Variants in ATXN1 observed in about 807,000 individuals in gnomAD.
ATXN1 encodes the protein ataxin 1, also known as ataxin-1.
Under a neutral mutation model 56.4 loss-of-function variants are expected in ATXN1, and 8 were observed. The ratio of observed to expected loss-of-function variants is 0.14; its 90% CI spans 0.08 to 0.26. ATXN1 has a LOEUF of 0.26. ATXN1 is among the 10% of genes least tolerant of loss of function. ATXN1 has a pLI of 1.00. For synonymous variants in ATXN1, 514 were observed against 494.6 expected, an observed-to-expected ratio of 1.04 and a Z score of -0.52; for missense variants, 987 against 1,106.5, an observed-to-expected ratio of 0.89 and a Z score of 1.53.
At chr6:16,609,148 A>C (rs2113788477) in intron 3 of ATXN1, among the ~76,000 whole-genome samples, 1 of 152,352 alleles carries the variant, frequency 6.6e-6, no homozygotes, top group Admixed American at 6.5e-5. Context: ...CACTGTGAGA[A>C]GAAACAAGAA....
intron 6 of ATXN1, among the ~76,000 whole-genome samples, chr6:16,431,115 T>C (rs1759274770): frequency 6.6e-6 from 1 of 151,710 alleles, no homozygotes; most frequent in South Asian, 2.1e-4. Flanking sequence ...TGTGCAGATG[T>C]GGGGTTTTTT....
At position 16,681,365 on chromosome 6, in the gene ATXN1, T is replaced by C. The variant is rs73725217; in HGVS notation, c.-614-23464A>G. ...AAGCCTGCAGTGTAGGGTGACGCCATGGGGCCACGTGACAGCCTGCCTCTC... is the reference window on the plus strand; with the variant it reads ...AAGCCTGCAGTGTAGGGTGACGCCACGGGGCCACGTGACAGCCTGCCTCTC... On this transcript the variant is annotated intron_variant, in intron 2 of 7. Transcript: ENST00000436367. 7.5e-3 allele frequency among the ~76,000 whole-genome samples: 1,138 copies of C among 152,304 alleles called. 15 individuals carry two copies. Among genetic ancestry groups the C allele is most frequent in the African/African-American group, 0.026 (1,077 of 41,566 alleles).
rs1433465510 is a variant in ATXN1 at position 16,300,338 on chromosome 6, A to G, written c.*5991T>C. On this transcript the variant is annotated 3_prime_UTR_variant, in exon 8 of 8. Coordinates refer to ENST00000436367, the MANE Select transcript of ATXN1 (RefSeq NM_001128164.2). ...CCATTTGTATGCAAGTCATGGGGAC[A>G]TGAAAAACTGAAGCCGGTGTTCCCT... 2.6e-5 allele frequency: 4 copies of G among 152,668 alleles called. No individual in the cohort carries two copies. Among genetic ancestry groups the G allele is most frequent in the South Asian group, 2.1e-4 (1 of 4,826 alleles). 9.5% of individuals were successfully genotyped at this position (152,668 alleles called of 1,614,324 possible).
intron 6 of ATXN1, among the ~76,000 whole-genome samples, chr6:16,476,523 C>CAAA (rs201571540): frequency 7.2e-6 from 1 of 138,502 alleles, no homozygotes; most frequent in Admixed American, 7.2e-5. Context: ...TATAATAATC[C>CAAA]AAAAAAAAAA....
At chr6:16,613,555 G>A (rs1037214305) in intron 3 of ATXN1, among the ~76,000 whole-genome samples, 4 of 151,790 alleles carry the variant, frequency 2.6e-5, no homozygotes, top group South Asian at 2.1e-4. Flanking sequence ...GGTCAGGTCC[G>A]GTGGCTCACA....
chr6:16,519,166 G>A (rs998189520), intron 5 of ATXN1, among the ~76,000 whole-genome samples: 11 of 152,134 alleles, frequency 7.2e-5, no homozygotes, highest in African/African-American at 1.4e-4. Context: ...AGAGGAAGAA[G>A]AAGATACATG....
At chr6:16,702,357 T>C (rs895995489) in intron 2 of ATXN1, among the ~76,000 whole-genome samples, 2 of 152,286 alleles carry the variant, frequency 1.3e-5, no homozygotes, top group African/African-American at 4.8e-5. Context: ...AAGACTTAAA[T>C]GTTAGACCTA....
At chr6:16,334,639 C>G (rs1004014248) in intron 6 of ATXN1, among the ~76,000 whole-genome samples, 3 of 152,092 alleles carry the variant, frequency 2.0e-5, no homozygotes, top group Admixed American at 6.6e-5. Context: ...ATTGCTTGAG[C>G]CCAGGAGGTT....
chr6:16,610,332 TA>T (rs1355108797), intron 3 of ATXN1, among the ~76,000 whole-genome samples: 1 of 151,642 alleles, frequency 6.6e-6, no homozygotes, highest in Non-Finnish European at 1.5e-5. Flanking sequence ...ATATAAATAT[TA>T]ATATAAATTA....
At chr6:16,572,786 A>G (rs1258082440) in intron 4 of ATXN1, among the ~76,000 whole-genome samples, 1 of 152,226 alleles carries the variant, frequency 6.6e-6, no homozygotes, top group Non-Finnish European at 1.5e-5. Flanking sequence ...AGGTTTAAGC[A>G]TGCATACACT....
At chr6:16,467,984 A>G (rs887185813) in intron 6 of ATXN1, among the ~76,000 whole-genome samples, 2 of 152,134 alleles carry the variant, frequency 1.3e-5, no homozygotes, top group Non-Finnish European at 2.9e-5. Context: ...TGACCATCGA[A>G]TATGTTGTAA....
chr6:16,429,168 G>A, intron 6 of ATXN1, among the ~76,000 whole-genome samples: 1 of 151,974 alleles, frequency 6.6e-6, no homozygotes, highest in East Asian at 1.9e-4. Flanking sequence ...TGAGGGCTGT[G>A]CGGTGGCCCT....
rs538208868 is a variant in ATXN1, at chr6:16,432,713, C to CTTTTTTT, written c.-161+53252_-161+53258dup. The CTTTTTTT allele has an allele frequency of 4.7e-3, 671 of 143,792 alleles. 4 individuals carry two copies. Among genetic ancestry groups the CTTTTTTT allele is most frequent in the African/African-American group, 0.016 (622 of 39,296 alleles). 8.9% of individuals were successfully genotyped at this position (143,792 alleles called of 1,614,324 possible). On this transcript the variant is annotated intron_variant, in intron 6 of 7. Coordinates refer to ENST00000436367, the MANE Select transcript of ATXN1 (RefSeq NM_001128164.2). ...TTTCTTTTCTTCTCTTCTTCTTCTT[C>CTTTTTTT]TTTTTTTTTTTTGCAATGATCTAGA...
chr6:16,444,701 A>G (rs1006763616), intron 6 of ATXN1, among the ~76,000 whole-genome samples: 1 of 152,204 alleles, frequency 6.6e-6, no homozygotes, highest in Non-Finnish European at 1.5e-5. Flanking sequence ...ATGAACAATA[A>G]TTCCTGCTAA....
chr6:16,702,695 CA>C (rs1318834350), intron 2 of ATXN1, among the ~76,000 whole-genome samples: 1 of 152,180 alleles, frequency 6.6e-6, no homozygotes, highest in Non-Finnish European at 1.5e-5. Flanking sequence ...AGACACTTCT[CA>C]AAAGAAGACA....
intron 5 of ATXN1, among the ~76,000 whole-genome samples, chr6:16,496,288 T>C (rs1760780381): frequency 6.6e-6 from 1 of 152,350 alleles, no homozygotes; most frequent in African/African-American, 2.4e-5. Flanking sequence ...GTGAATACCA[T>C]GTAGCAGAAA....
At chr6:16,507,760 A>G (rs1039590035) in intron 5 of ATXN1, among the ~76,000 whole-genome samples, 1 of 152,196 alleles carries the variant, frequency 6.6e-6, no homozygotes, top group African/African-American at 2.4e-5. Flanking sequence ...ACAGCCACCT[A>G]ACAGAACTGT....
At chr6:16,593,899 AATAT>A (rs527286783) in intron 3 of ATXN1, among the ~76,000 whole-genome samples, 1 of 144,732 alleles carries the variant, frequency 6.9e-6, no homozygotes, top group East Asian at 2.0e-4. Flanking sequence ...TCAATAGACT[AATAT>A]ATATATATAT....
chr6:16,442,238 A>G (rs995952927), intron 6 of ATXN1, among the ~76,000 whole-genome samples: 5 of 152,208 alleles, frequency 3.3e-5, no homozygotes, highest in Admixed American at 2.6e-4. Flanking sequence ...CTTCCAGCCA[A>G]CAACAATCTG....
Sources: allele counts gnomAD v4.1 joint callset (sites outside exome capture counted in the v4.1 genomes callset), GRCh38; gene constraint gnomAD v4.1.1; transcripts MANE v1.5; gene names NCBI Gene and HGNC (gene_info 2026-07-23, HGNC 2026-07-21).